The following ZNF562 variants were observed in gnomAD, a reference collection of about 807,000 sequenced individuals.
ZNF562 encodes zinc finger protein 562.
A neutral mutation model predicts 17.5 loss-of-function variants in ZNF562; 13 were observed. That is an observed-to-expected ratio of 0.74 (90% CI 0.48 to 1.18). The LOEUF (loss-of-function observed/expected upper bound fraction) is 1.18. Among genes scored for constraint, ZNF562 ranks in the 50% most tolerant of loss-of-function variants. ZNF562 has a pLI of 0.00. For missense variants in ZNF562, 481 were observed against 498.5 expected, an observed-to-expected ratio of 0.96 and a Z score of 0.33; for synonymous variants, 163 against 165.4, an observed-to-expected ratio of 0.99 and a Z score of 0.11.
intron 1 of ZNF562, among the ~76,000 whole-genome samples, chr19:9,661,807 C>A (rs1032911189): frequency 1.3e-5 from 2 of 152,056 alleles, no homozygotes; most frequent in East Asian, 1.9e-4. Flanking sequence ...ACAACAACAA[C>A]AAAAAAGAAA....
chr19:9,645,469 A>T lies in ZNF562; in HGVS notation c.*7480T>A, dbSNP rs2144939668. On this transcript the variant is annotated 3_prime_UTR_variant, in exon 6 of 6. Coordinates refer to ENST00000453372, the MANE Select transcript of ZNF562 (RefSeq NM_001130031.2). ...GTGTATCAGTTGGCCTTTACTGTGT[A>T]ATAAACAGCCACAAAAATTACTAGC... is the stretch of plus-strand genomic sequence containing the variant. 1 of 152,308 alleles carries T rather than the reference A, an allele frequency of 6.6e-6. No homozygotes were observed. Among genetic ancestry groups the T allele is most frequent in the Non-Finnish European group, 1.5e-5 (1 of 68,024 alleles). The allele number at this position is 152,308 out of a possible 1,614,324, so 9.4% of individuals were successfully genotyped here.
At chr19:9,665,164 G>A (rs1374604910) in intron 1 of ZNF562, among the ~76,000 whole-genome samples, 3 of 151,030 alleles carry the variant, frequency 2.0e-5, no homozygotes, top group Admixed American at 2.0e-4. Flanking sequence ...GGAGGTTGCA[G>A]TGAGCCAAGA....
At chr19:9,666,603 T>A (rs1386524689) in intron 1 of ZNF562, among the ~76,000 whole-genome samples, 1 of 151,632 alleles carries the variant, frequency 6.6e-6, no homozygotes, top group African/African-American at 2.4e-5. Context: ...CAATAAAACA[T>A]AAAGTTGATT....
intron 1 of ZNF562, among the ~76,000 whole-genome samples, chr19:9,669,539 C>T (rs1474277602): frequency 6.6e-6 from 1 of 152,068 alleles, no homozygotes; most frequent in Non-Finnish European, 1.5e-5. Context: ...CTGTAGAGAA[C>T]AATATTCAGG....
At chr19:9,668,016 G>A (rs115427896) in intron 1 of ZNF562, among the ~76,000 whole-genome samples, 4,693 of 152,096 alleles carry the variant, frequency 0.031, 245 homozygotes, top group African/African-American at 0.11. Flanking sequence ...ATTTATATAC[G>A]CCAACGGTGA....
chr19:9,663,806 A>AG lies in ZNF562; in HGVS notation c.-130-2933dup, dbSNP rs1164098003. ...ATTTTCCTGCCTCAGCCTCTCAAGTAGCTGGGACTACAGGACTCCAGAGTA... is the reference window on the plus strand; with the variant it reads ...ATTTTCCTGCCTCAGCCTCTCAAGTAGGCTGGGACTACAGGACTCCAGAGTA... On this transcript the variant is annotated intron_variant, in intron 1 of 5. Transcript: ENST00000453372. Among the ~76,000 whole-genome samples the AG allele has an allele frequency of 3.3e-5, 5 of 151,898 alleles. No homozygotes were observed. In the East Asian group the frequency reaches 9.7e-4, roughly 30 times the overall value.
chr19:9,653,525 C>T lies in ZNF562; in HGVS notation c.705G>A (p.Gln235=), dbSNP rs200213164. Reference sequence around the variant, plus strand: ...AAGTTGTGATGGCTCTCTCACATTCCTGAAATTCACAGAGTTTCTCTCCAA... The same window carrying T: ...AAGTTGTGATGGCTCTCTCACATTCTTGAAATTCACAGAGTTTCTCTCCAA... ...IHIGEKLCEF[Q]ECERAITTSS... is the part of the protein sequence containing the mutation. The change falls in exon 6 of 6, where the codon CAG becomes CAA. Residue 235 remains glutamine, a synonymous_variant. Coordinates refer to ENST00000453372, the MANE Select transcript of ZNF562 (RefSeq NM_001130031.2). 1 of 1,614,208 alleles carries T rather than the reference C, an allele frequency of 6.2e-7. No individual in the cohort carries two copies. The highest frequency in any genetic ancestry group is 2.2e-5 in the East Asian group (1 of 44,876).
Position 9,649,354 on chromosome 19 carries a change from A to T in ZNF562, c.*3595T>A, listed in dbSNP as rs1354328602. 6.6e-6 allele frequency: 1 copy of T among 152,242 alleles called. No homozygotes were observed. Among genetic ancestry groups the T allele is most frequent in the Non-Finnish European group, 1.5e-5 (1 of 68,044 alleles). The allele number at this position is 152,242 out of a possible 1,614,324, so 9.4% of individuals were successfully genotyped here. A position where few individuals can be genotyped will look rare whatever the true frequency, so the allele number is the denominator to read the frequency against. On this transcript the variant is annotated 3_prime_UTR_variant, in exon 6 of 6. Coordinates refer to ENST00000453372, the MANE Select transcript of ZNF562 (RefSeq NM_001130031.2). ...GAAATCTGGGCACCTTGAAAAAAGA[A>T]CAGGATAACAGCAATGTTTAGGAAA... is the stretch of plus-strand genomic sequence containing the variant.
In ZNF562 at chr19:9,651,732, A is replaced by C. The variant is rs1183344575; in HGVS notation, c.*1217T>G. ...GCCTGTCCCTTTCTTTCTCATAAGG[A>C]ATACTTATAGCTGATCTACAATCTA... On this transcript the variant is annotated 3_prime_UTR_variant, in exon 6 of 6. Transcript: ENST00000453372. 1.3e-5 allele frequency: 2 copies of C among 152,346 alleles called. No homozygotes were observed. Among genetic ancestry groups the C allele is most frequent in the Admixed American group, 1.3e-4 (2 of 15,310 alleles). 9.4% of individuals were successfully genotyped at this position (152,346 alleles called of 1,614,324 possible). A position where few individuals can be genotyped will look rare whatever the true frequency, so the allele number is the denominator to read the frequency against.
rs2074891147 is a variant in ZNF562, at chr19:9,652,882, T to C, written c.*67A>G. 1.4e-6 allele frequency: 2 copies of C among 1,400,500 alleles called. No homozygotes were observed. Among genetic ancestry groups the C allele is most frequent in the Admixed American group, 5.1e-5 (2 of 38,950 alleles). 86.8% of individuals were successfully genotyped at this position (1,400,500 alleles called of 1,614,324 possible). A position where few individuals can be genotyped will look rare whatever the true frequency, so the allele number is the denominator to read the frequency against. On this transcript the variant is annotated 3_prime_UTR_variant, in exon 6 of 6. Transcript: ENST00000453372. ...TCCCAAATTCTTTACATACAAAAGG[T>C]TTCTCTCTGGTAGGAGTTCACAGGT...
At chr19:9,659,337 T>G (rs1259442065) in intron 3 of ZNF562, 42 bp downstream of exon 3, 2 of 1,498,638 alleles carry the variant, frequency 1.3e-6, no homozygotes, top group Non-Finnish European at 1.8e-6. Flanking sequence ...ACCTATTGGA[T>G]GTAAGTATGT....
In ZNF562 at chr19:9,646,597, G is replaced by A; in HGVS notation, c.*6352C>T. ...GTACTCTCTACCAAGATTAACACAA[G>A]CAAAGGGAAAGAATGCACAATTAAT... On this transcript the variant is annotated 3_prime_UTR_variant, in exon 6 of 6. Transcript: ENST00000453372. 6.6e-6 allele frequency: 1 copy of A among 152,034 alleles called. No individual in the cohort carries two copies. Among genetic ancestry groups the A allele is most frequent in the Non-Finnish European group, 1.5e-5 (1 of 68,014 alleles). 9.4% of individuals were successfully genotyped at this position (152,034 alleles called of 1,614,324 possible).
At chr19:9,654,566 G>A (rs945502928) in intron 5 of ZNF562, among the ~76,000 whole-genome samples, 3 of 151,988 alleles carry the variant, frequency 2.0e-5, no homozygotes, top group Non-Finnish European at 4.4e-5. Flanking sequence ...GGTTCAAGCG[G>A]TTCTTCTGCC....
At position 9,644,267 on chromosome 19, in the gene ZNF562, T is replaced by C. The variant is rs994514103; in HGVS notation, c.*8682A>G. The C allele has an allele frequency of 6.6e-6, 1 of 152,168 alleles. No homozygotes were observed. The highest frequency in any genetic ancestry group is 1.5e-5 in the Non-Finnish European group (1 of 68,030). 9.4% of individuals were successfully genotyped at this position (152,168 alleles called of 1,614,324 possible). A position where few individuals can be genotyped will look rare whatever the true frequency, so the allele number is the denominator to read the frequency against. Reference sequence around the variant, plus strand: ...ATACTCTGAAAGGATTTATGGAGAATTAGGACCAATTGGACCTTGAAAATG... The same window carrying C: ...ATACTCTGAAAGGATTTATGGAGAACTAGGACCAATTGGACCTTGAAAATG... On this transcript the variant is annotated 3_prime_UTR_variant, in exon 6 of 6. Coordinates refer to ENST00000453372, the MANE Select transcript of ZNF562 (RefSeq NM_001130031.2).
chr19:9,657,352 C>T (rs2043538780), intron 4 of ZNF562, among the ~76,000 whole-genome samples: 1 of 149,658 alleles, frequency 6.7e-6, no homozygotes, highest in African/African-American at 2.5e-5. Context: ...AGAGATCCTG[C>T]CACTGCACCC....
chr19:9,658,556 G>A (rs1267049088), intron 3 of ZNF562, among the ~76,000 whole-genome samples: 1 of 151,894 alleles, frequency 6.6e-6, no homozygotes, highest in African/African-American at 2.4e-5. Context: ...CACCATGTTG[G>A]CCAGGAAGGT....
chr19:9,656,785 G>A, intron 4 of ZNF562, 132 bp from the exon 5 acceptor site: 2 of 812,422 alleles, frequency 2.5e-6, no homozygotes, highest in East Asian at 2.8e-5. Flanking sequence ...AGGACTTTGG[G>A]AGGCTGAGGT....
chr19:9,654,169 T>C (rs1305671749), intron 5 of ZNF562, among the ~76,000 whole-genome samples: 1 of 152,070 alleles, frequency 6.6e-6, no homozygotes, highest in African/African-American at 2.4e-5. Flanking sequence ...TTTCTACTTT[T>C]TTTGTAGACA....
rs1167953350 is a variant in ZNF562, at chr19:9,650,414, A to G, written c.*2535T>C. The G allele has an allele frequency of 7.0e-6, 1 of 142,070 alleles. No homozygotes were observed. The highest frequency in any genetic ancestry group is 7.0e-5 in the Admixed American group (1 of 14,344). 8.8% of individuals were successfully genotyped at this position (142,070 alleles called of 1,614,324 possible). On this transcript the variant is annotated 3_prime_UTR_variant, in exon 6 of 6. Transcript: ENST00000453372. The stretch of plus-strand genomic sequence containing the variant: ...TATATATATATACACATACACACAC[A>G]CACACACACACACACAGTGACCCCC...
Sources: allele counts gnomAD v4.1 joint callset (sites outside exome capture counted in the v4.1 genomes callset), GRCh38; gene constraint gnomAD v4.1.1; transcripts MANE v1.5; gene names NCBI Gene and HGNC (gene_info 2026-07-23, HGNC 2026-07-21).